Variants in DDX60L observed in about 807,000 individuals in gnomAD.
DDX60L encodes probable ATP-dependent RNA helicase DDX60-like.
A neutral mutation model predicts 211.6 loss-of-function variants in DDX60L; 191 were observed. The ratio of observed to expected loss-of-function variants is 0.90; its 90% CI spans 0.80 to 1.02. The LOEUF (loss-of-function observed/expected upper bound fraction) is 1.02. DDX60L is among the 50% of genes least tolerant of loss of function. The pLI, the probability that DDX60L is intolerant of heterozygous loss-of-function variation, is 0.00. For missense variants in DDX60L, 2,007 were observed against 1,984.1 expected, an observed-to-expected ratio of 1.01 and a Z score of -0.22; for synonymous variants, 706 against 694.1, an observed-to-expected ratio of 1.02 and a Z score of -0.27.
chr4:168,433,962 T>C (rs1752704465), intron 10 of DDX60L, among the ~76,000 whole-genome samples: 1 of 152,244 alleles, frequency 6.6e-6, no homozygotes, highest in South Asian at 2.1e-4. Flanking sequence ...TTAAAAGATA[T>C]TATTTCATTA....
chr4:168,452,500 T>C lies in DDX60L; in HGVS notation c.996+624A>G, dbSNP rs374539528. Among the ~76,000 whole-genome samples the C allele has an allele frequency of 2.9e-3, 436 of 152,346 alleles. 2 individuals carry two copies. The highest frequency in any genetic ancestry group is 0.014 in the Middle Eastern group (4 of 294). On this transcript the variant is annotated intron_variant, in intron 8 of 37. Transcript: ENST00000682922. Reference sequence around the variant, plus strand: ...TCTCCATGATGTGATTATTAGGCATTGCATGCCTGTATCAAAACATCTAAT... The same window carrying C: ...TCTCCATGATGTGATTATTAGGCATCGCATGCCTGTATCAAAACATCTAAT...
At chr4:168,404,204 T>G in intron 24 of DDX60L, 98 bp from the exon 25 acceptor site, 1 of 900,476 alleles carries the variant, frequency 1.1e-6, no homozygotes, top group Non-Finnish European at 1.5e-6. Context: ...TAGAATAATT[T>G]TTCATATATA....
intron 1 of DDX60L, among the ~76,000 whole-genome samples, chr4:168,477,685 G>C (rs1363127636): frequency 6.6e-6 from 1 of 152,164 alleles, no homozygotes; most frequent in African/African-American, 2.4e-5. Context: ...GAGAAACTAG[G>C]CTTCTTGGGC....
intron 5 of DDX60L, among the ~76,000 whole-genome samples, chr4:168,460,320 G>C (rs1033856263): frequency 6.6e-6 from 1 of 152,106 alleles, no homozygotes; most frequent in Non-Finnish European, 1.5e-5. Flanking sequence ...AAATTCTTCA[G>C]ACTTCATGAG....
At chr4:168,446,172 T>C (rs896802151) in intron 9 of DDX60L, among the ~76,000 whole-genome samples, 7 of 151,888 alleles carry the variant, frequency 4.6e-5, no homozygotes, top group Admixed American at 3.3e-4. Flanking sequence ...GATAAGCAAC[T>C]TCAGCAAAGT....
Position 168,421,926 on chromosome 4 carries a change from A to G in DDX60L, c.2245-17T>C. On this transcript the variant is annotated splice_polypyrimidine_tract_variant and intron_variant, in intron 16 of 37. Coordinates refer to ENST00000682922, the MANE Select transcript of DDX60L (RefSeq NM_001012967.3). ...GAGTTCCTGCTGCAGGGTACAAAGC[A>G]CCATTTGTGTCAAGAAAGTGAACAG... 6.2e-7 allele frequency: 1 copy of G among 1,613,936 alleles called. No homozygotes were observed. The highest frequency in any genetic ancestry group is 2.2e-5 in the East Asian group (1 of 44,870).
chr4:168,382,679 G>C (rs890551265), intron 30 of DDX60L, among the ~76,000 whole-genome samples: 1 of 151,812 alleles, frequency 6.6e-6, no homozygotes, highest in Admixed American at 6.6e-5. Context: ...CAGAATTTAA[G>C]GTAGAAGCAA....
chr4:168,429,435 C>T (rs1752000067), intron 13 of DDX60L, among the ~76,000 whole-genome samples: 1 of 152,212 alleles, frequency 6.6e-6, no homozygotes, highest in Non-Finnish European at 1.5e-5. Flanking sequence ...CAGGTGTGAG[C>T]CACTGCACCC....
chr4:168,378,584 C>A, intron 32 of DDX60L, 109 bp from the exon 33 acceptor site: 1 of 747,828 alleles, frequency 1.3e-6, no homozygotes, highest in Non-Finnish European at 2.1e-6. Flanking sequence ...GCAAAATTTT[C>A]TAGCAAATAT....
In DDX60L at chr4:168,472,685, T is replaced by A; in HGVS notation, c.4+11A>T. On this transcript the variant is annotated intron_variant, in intron 2 of 37. Coordinates refer to ENST00000682922, the MANE Select transcript of DDX60L (RefSeq NM_001012967.3). ...CTTTATAGGCTACAAATATCAAAGA[T>A]TGAGAATTACCCATCGTTGCTGCTT... is the stretch of plus-strand genomic sequence containing the variant. The A allele has an allele frequency of 6.2e-7, 1 of 1,613,408 alleles. No homozygotes were observed. Among genetic ancestry groups the A allele is most frequent in the Non-Finnish European group, 8.5e-7 (1 of 1,179,620 alleles).
intron 10 of DDX60L, among the ~76,000 whole-genome samples, chr4:168,440,209 A>C (rs1455930341): frequency 2.0e-5 from 3 of 152,142 alleles, no homozygotes; most frequent in Non-Finnish European, 4.4e-5. Flanking sequence ...TGGGCAATAG[A>C]GTGAGACTCT....
intron 4 of DDX60L, among the ~76,000 whole-genome samples, chr4:168,463,057 A>G (rs777113119): frequency 1.4e-4 from 21 of 152,218 alleles, no homozygotes; most frequent in Non-Finnish European, 2.6e-4. Context: ...GGGAGTGTAA[A>G]TTAGTTTGAC....
In DDX60L at chr4:168,441,478, A is replaced by G; in HGVS notation, c.1153T>C (p.Leu385=). The change falls in exon 10 of 38, where the codon TTG becomes CTG. Residue 385 remains leucine (L), a synonymous_variant. Coordinates refer to ENST00000682922, the MANE Select transcript of DDX60L (RefSeq NM_001012967.3). ...FESTQEPHLN[L]GDSIRRDYED... ...TAATCCCTCCTAATGGAATCTCCCA[A>G]ATTCAAATGTGGTTCTGCATAACAA... 1 of 1,600,692 alleles carries G rather than the reference A, an allele frequency of 6.2e-7. No homozygotes were observed. The highest frequency in any genetic ancestry group is 1.3e-5 in the African/African-American group (1 of 74,690).
intron 17 of DDX60L, among the ~76,000 whole-genome samples, chr4:168,420,924 C>G (rs533151091): frequency 1.3e-5 from 2 of 152,038 alleles, no homozygotes; most frequent in Non-Finnish European, 2.9e-5. Context: ...TTTTCAGCCC[C>G]TAGGATTCCC....
chr4:168,477,963 C>T (rs1241429055), intron 1 of DDX60L, among the ~76,000 whole-genome samples: 1 of 152,134 alleles, frequency 6.6e-6, no homozygotes, highest in East Asian at 1.9e-4. Context: ...CACAGCGCCT[C>T]ATACCTATAA....
rs368828734 is a variant in DDX60L at position 168,384,828 on chromosome 4, A to T, written c.3916-16T>A. 5.0e-6 allele frequency: 8 copies of T among 1,606,702 alleles called. No homozygotes were observed. In the African/African-American group the frequency reaches 1.1e-4, roughly 21 times the overall value. On this transcript the variant is annotated splice_polypyrimidine_tract_variant and intron_variant, in intron 29 of 37. Coordinates refer to ENST00000682922, the MANE Select transcript of DDX60L (RefSeq NM_001012967.3). ...GACCAGACATCTGGAAGCAGCAAAG[A>T]ATCACAATGTAAAACCTCCACAGAT...
Position 168,415,531 on chromosome 4 carries a change from G to A in DDX60L, c.2870-14C>T, listed in dbSNP as rs1314918185. 6.6e-7 allele frequency: 1 copy of A among 1,521,134 alleles called. No individual in the cohort carries two copies. Among genetic ancestry groups the A allele is most frequent in the African/African-American group, 1.4e-5 (1 of 72,862 alleles). 94.2% of individuals were successfully genotyped at this position (1,521,134 alleles called of 1,614,324 possible). Reference sequence around the variant, plus strand: ...CTCCACAGAGCACTAGATACGAAGAGCAAGAATATCCAAATTAATGGACAT... The same window carrying A: ...CTCCACAGAGCACTAGATACGAAGAACAAGAATATCCAAATTAATGGACAT... On this transcript the variant is annotated splice_polypyrimidine_tract_variant and intron_variant, in intron 21 of 37. Transcript: ENST00000682922.
intron 9 of DDX60L, among the ~76,000 whole-genome samples, chr4:168,447,909 G>T (rs889828082): frequency 6.8e-6 from 1 of 147,834 alleles, no homozygotes; most frequent in Non-Finnish European, 1.5e-5. Flanking sequence ...GGATAGCATC[G>T]GGAGATATAC....
chr4:168,384,800 C>T lies in DDX60L; in HGVS notation c.3928G>A (p.Ala1310Thr). 6.2e-7 allele frequency: 1 copy of T among 1,612,648 alleles called. No homozygotes were observed. Among genetic ancestry groups the T allele is most frequent in the Admixed American group, 1.7e-5 (1 of 59,750 alleles). Residue 1310 changes from alanine (A) to threonine (T), a missense_variant, in exon 30 of 38, where the codon GCT (alanine) becomes ACT (threonine). Transcript: ENST00000682922. ...ALNYRQMSGR[A>T]GRRGQDLLGN... The stretch of plus-strand genomic sequence containing the variant: ...AGCAGGTCTTGACCTCTTCTTCCAG[C>T]ACGACCAGACATCTGGAAGCAGCAA...
Sources: allele counts gnomAD v4.1 joint callset (sites outside exome capture counted in the v4.1 genomes callset), GRCh38; gene constraint gnomAD v4.1.1; transcripts MANE v1.5; gene names NCBI Gene and HGNC (gene_info 2026-07-23, HGNC 2026-07-21).